ARID1B: variants seen among roughly 807,000 people sequenced by gnomAD.
ARID1B encodes AT-rich interaction domain 1B.
Under a neutral mutation model 212.3 loss-of-function variants are expected in ARID1B, and 30 were observed. The ratio of observed to expected loss-of-function variants is 0.14; its 90% CI spans 0.11 to 0.19. ARID1B has a LOEUF of 0.19. ARID1B is among the 10% of genes least tolerant of loss of function. The pLI, the probability that ARID1B is intolerant of heterozygous loss-of-function variation, is 1.00. For missense variants in ARID1B, 2,891 were observed against 3,204.0 expected, an observed-to-expected ratio of 0.90 and a Z score of 2.36; for synonymous variants, 1,402 against 1,301.7, an observed-to-expected ratio of 1.08 and a Z score of -1.66.
At chr6:156,944,278 A>T (rs1334388855) in intron 4 of ARID1B, among the ~76,000 whole-genome samples, 3 of 152,148 alleles carry the variant, frequency 2.0e-5, no homozygotes, top group Non-Finnish European at 4.4e-5. Flanking sequence ...CCATTCTCCG[A>T]TGCCATTTGC....
In ARID1B at chr6:157,084,822, G is replaced by A. The variant is rs367698478; in HGVS notation, c.2408G>A (p.Gly803Glu). 6.2e-7 allele frequency: 1 copy of A among 1,614,056 alleles called. No individual in the cohort carries two copies. The highest frequency in any genetic ancestry group is 1.7e-5 in the Admixed American group (1 of 60,014). Residue 803 changes from glycine (G) to glutamate (E), a missense_variant, in exon 5 of 20, where the codon GGG (glycine) becomes GAG (glutamate). By Grantham distance (98) the Gly-to-Glu change is moderately conservative. Around this residue, in one of 7 missense-constraint regions of ARID1B, gnomAD observed 1,643 missense variants for 1,544.0 expected, o/e 1.06. Transcript: ENST00000636930. Reference protein sequence around the residue: ...HASPHLSSIPGGPSPSPVGSP... With the variant: ...HASPHLSSIPEGPSPSPVGSP... Reference sequence around the variant, plus strand: ...TCCCCTCATCTCTCCAGCATCCCGGGGGGCCCATCTCCCTCTCCTGTTGGC... The same window carrying A: ...TCCCCTCATCTCTCCAGCATCCCGGAGGGCCCATCTCCCTCTCCTGTTGGC...
chr6:156,924,461 G>A (rs991473961), intron 3 of ARID1B, among the ~76,000 whole-genome samples: 9 of 152,190 alleles, frequency 5.9e-5, no homozygotes, highest in Non-Finnish European at 8.8e-5. Flanking sequence ...AGTAAAATTA[G>A]CGTGATTTGA....
chr6:156,840,581 C>T (rs754916896), intron 2 of ARID1B, among the ~76,000 whole-genome samples: 6 of 152,214 alleles, frequency 3.9e-5, no homozygotes, highest in Non-Finnish European at 8.8e-5. Flanking sequence ...TGTTATCTGC[C>T]ACCCATGGTT....
intron 1 of ARID1B, among the ~76,000 whole-genome samples, chr6:156,785,928 G>A (rs1178613238): frequency 6.6e-6 from 1 of 152,154 alleles, no homozygotes; most frequent in African/African-American, 2.4e-5. Flanking sequence ...TCTCTTTGGA[G>A]ATGTGTATTA....
At chr6:157,095,658 C>A (rs1785567459) in intron 5 of ARID1B, among the ~76,000 whole-genome samples, 1 of 151,986 alleles carries the variant, frequency 6.6e-6, no homozygotes, top group African/African-American at 2.4e-5. Flanking sequence ...AGGTTTTTTC[C>A]CCTGATCTTT....
At position 157,206,260 on chromosome 6, in the gene ARID1B, A is replaced by G. The variant is rs772787830; in HGVS notation, c.5488A>G (p.Ser1830Gly). The G allele has an allele frequency of 1.9e-6, 3 of 1,614,238 alleles. No individual in the cohort carries two copies. Among genetic ancestry groups the G allele is most frequent in the Non-Finnish European group, 8.5e-7 (1 of 1,180,034 alleles). The change falls in exon 20 of 20, where the codon AGC (serine) becomes GGC (glycine). Residue 1830 changes from serine to glycine, a missense_variant. Physicochemically the swap from Ser to Gly is moderately conservative, Grantham distance 56. Transcript: ENST00000636930. The surrounding 1 kb of genome is among the most constrained non-coding windows in gnomAD (Gnocchi z 6.8). ...TATGGAATATGAAGTGGGAGACCCC[A>G]GCCAAAAAGCACTTGATCACAACGC... ...ILMEYEVGDP[S>G]QKALDHNAAR...
intron 2 of ARID1B, among the ~76,000 whole-genome samples, chr6:156,899,141 GGGCAGGGCATCTATATGACTTAGGAA>G (rs1788721271): frequency 6.6e-6 from 1 of 152,218 alleles, no homozygotes; most frequent in East Asian, 1.9e-4. Flanking sequence ...AGGTGGGACT[GGGCAGGGCATCTATATGACTTAGGAA>G]GGCAGTCCTG....
chr6:156,834,660 A>C (rs556483092), intron 2 of ARID1B, among the ~76,000 whole-genome samples: 2 of 152,236 alleles, frequency 1.3e-5, no homozygotes, highest in African/African-American at 2.4e-5. Context: ...CAGCATTTTC[A>C]TACATTCGTG....
At chr6:157,118,613 C>T (rs1470382649) in intron 6 of ARID1B, among the ~76,000 whole-genome samples, 2 of 152,226 alleles carry the variant, frequency 1.3e-5, no homozygotes, top group Admixed American at 6.5e-5. Flanking sequence ...AAAGCTGCTT[C>T]TAATTTCTTC....
chr6:156,787,939 AG>A (rs886911267), intron 1 of ARID1B, among the ~76,000 whole-genome samples: 6 of 152,254 alleles, frequency 3.9e-5, no homozygotes, highest in African/African-American at 1.4e-4. Flanking sequence ...GCTGCTGGGC[AG>A]GGTTGTTGAA....
intron 3 of ARID1B, 171 bp downstream of exon 3, chr6:156,901,696 T>C: frequency 1.1e-6 from 1 of 875,922 alleles, no homozygotes; most frequent in Non-Finnish European, 1.7e-6. Context: ...CTCCGTCTTT[T>C]CCCCTTTTGA....
chr6:157,014,913 A>AT (rs1165625172), intron 4 of ARID1B, among the ~76,000 whole-genome samples: 1 of 152,034 alleles, frequency 6.6e-6, no homozygotes, highest in Non-Finnish European at 1.5e-5. Flanking sequence ...GCACAATAAT[A>AT]TGCCACTCTC....
chr6:157,207,413 T>C lies in ARID1B; in HGVS notation c.6641T>C (p.Ile2214Thr), dbSNP rs878852997. 2.1e-5 allele frequency: 34 copies of C among 1,614,046 alleles called. No individual in the cohort carries two copies. Among genetic ancestry groups the C allele is most frequent in the African/African-American group, 2.7e-5 (2 of 74,890 alleles). ...LVLETLCKLS[I>T]QDNNVDLILA... ...CTGGAGACCCTCTGTAAACTCAGTA[T>C]CCAGGACAATAATGTGGACCTGATC... The change falls in exon 20 of 20, where the codon ATC becomes ACC. Residue 2214 changes from isoleucine to threonine, a missense_variant. This residue lies in a region of ARID1B where 187 missense variants were observed against 306.5 expected (regional missense o/e 0.61). Coordinates refer to ENST00000636930, the MANE Select transcript of ARID1B (RefSeq NM_001374828.1). The surrounding 1 kb of genome is among the most constrained non-coding windows in gnomAD (Gnocchi z 8.5).
At chr6:156,919,597 A>G (rs1582948551) in intron 3 of ARID1B, among the ~76,000 whole-genome samples, 1 of 152,206 alleles carries the variant, frequency 6.6e-6, no homozygotes, top group East Asian at 1.9e-4. Context: ...GTTTAACTGA[A>G]ATGTGGAGGA....
chr6:157,027,882 A>G (rs1445726965), intron 4 of ARID1B, among the ~76,000 whole-genome samples: 2 of 152,216 alleles, frequency 1.3e-5, no homozygotes, highest in African/African-American at 4.8e-5. Flanking sequence ...ATCAAATAGT[A>G]CCTTAGCCAC....
intron 4 of ARID1B, among the ~76,000 whole-genome samples, chr6:156,968,173 T>C (rs932890270): frequency 5.9e-5 from 9 of 152,216 alleles, no homozygotes; most frequent in African/African-American, 2.2e-4. Flanking sequence ...GGGAAATGAT[T>C]ATTGTAAACT....
chr6:157,008,432 T>C (rs1028542247), intron 4 of ARID1B, among the ~76,000 whole-genome samples: 5 of 152,218 alleles, frequency 3.3e-5, no homozygotes, highest in Non-Finnish European at 7.3e-5. Flanking sequence ...CTAAGTATTA[T>C]TGAAAGCCAT....
At chr6:156,822,679 A>T (rs377125317) in intron 1 of ARID1B, among the ~76,000 whole-genome samples, 1 of 152,190 alleles carries the variant, frequency 6.6e-6, no homozygotes, top group South Asian at 2.1e-4. Context: ...GTATGCATTC[A>T]GTATTATCAT....
In ARID1B at chr6:156,788,466, A is replaced by G. The variant is rs192707754; in HGVS notation, c.1791+8995A>G. 9.8e-5 allele frequency among the ~76,000 whole-genome samples: 15 copies of G among 152,312 alleles called. No homozygotes were observed. In the East Asian group the frequency reaches 1.4e-3, roughly 14 times the overall value. ...TTAGTGGTCTCTTCTCTGGCCAACA[A>G]TCATTCCTCTGTTATACTTCCTAAA... On this transcript the variant is annotated intron_variant, in intron 1 of 19. Coordinates refer to ENST00000636930, the MANE Select transcript of ARID1B (RefSeq NM_001374828.1).
Sources: gnomAD v4.1 joint callset for allele counts (sites outside exome capture counted in the v4.1 genomes callset) on GRCh38, gnomAD v4.1.1 for gene constraint, gnomAD v4.1.1 regional missense constraint, Gnocchi (gnomAD v3.1) non-coding constraint, MANE v1.5 for transcripts, NCBI Gene and HGNC (gene_info 2026-07-23, HGNC 2026-07-21) for gene names.